SEMA5A: variants seen among roughly 807,000 people sequenced by gnomAD.
SEMA5A encodes the protein semaphorin 5A.
A neutral mutation model predicts 135.5 loss-of-function variants in SEMA5A; 55 were observed. The ratio of observed to expected loss-of-function variants is 0.41; its 90% CI spans 0.33 to 0.51. SEMA5A has a LOEUF of 0.51. Among genes scored for constraint, SEMA5A ranks in the 20% least tolerant of loss-of-function variants. The pLI, the probability that SEMA5A is intolerant of heterozygous loss-of-function variation, is 0.37. For missense variants in SEMA5A, 1,290 were observed against 1,419.9 expected (o/e 0.91, Z 1.47); for synonymous variants, 580 against 546.5 (o/e 1.06, Z -0.85).
chr5:9,412,495 T>C (rs1400733115), intron 2 of SEMA5A, among the ~76,000 whole-genome samples: 1 of 151,220 alleles, frequency 6.6e-6, no homozygotes, highest in Non-Finnish European at 1.5e-5. Flanking sequence ...CATTGCTTTT[T>C]TTTTTTTTTT....
chr5:9,436,524 T>A (rs1441571403), intron 2 of SEMA5A, among the ~76,000 whole-genome samples: 2 of 152,156 alleles, frequency 1.3e-5, no homozygotes, highest in African/African-American at 4.8e-5. Context: ...GCCTCCTTCC[T>A]CATAGACGAA....
chr5:9,520,698 GT>G (rs1477278144), intron 1 of SEMA5A, among the ~76,000 whole-genome samples: 1 of 152,170 alleles, frequency 6.6e-6, no homozygotes, highest in African/African-American at 2.4e-5. Context: ...CTTTATTTCT[GT>G]TTCCCTCCAG....
At chr5:9,271,220 T>C (rs1393812692) in intron 5 of SEMA5A, among the ~76,000 whole-genome samples, 1 of 152,160 alleles carries the variant, frequency 6.6e-6, no homozygotes, top group Non-Finnish European at 1.5e-5. Context: ...TAAAACGTGC[T>C]TGCTTACCCT....
intron 10 of SEMA5A, among the ~76,000 whole-genome samples, chr5:9,191,264 A>C (rs1460576713): frequency 6.6e-6 from 1 of 152,210 alleles, no homozygotes; most frequent in South Asian, 2.1e-4. Context: ...GGGGAAATTC[A>C]GCCCTGTACA....
chr5:9,229,779 T>C lies in SEMA5A; in HGVS notation c.334-2812A>G, dbSNP rs942431444. Among the ~76,000 whole-genome samples, 2 of 148,198 alleles carry C rather than the reference T, an allele frequency of 1.3e-5. 1 individual carries two copies. The highest frequency in any genetic ancestry group is 4.3e-4 in the South Asian group (2 of 4,642). ...GCCCCAAGGTAAACCACAAACAACA[T>C]GGGCAAGGGTAATTTGTTCCAGGAG... On this transcript the variant is annotated intron_variant, in intron 6 of 22. Coordinates refer to ENST00000382496, the MANE Select transcript of SEMA5A (RefSeq NM_003966.3).
At chr5:9,142,909 G>A (rs907531048) in intron 12 of SEMA5A, among the ~76,000 whole-genome samples, 1 of 152,320 alleles carries the variant, frequency 6.6e-6, no homozygotes, top group South Asian at 2.1e-4. Context: ...CTGAGATCGT[G>A]CCATTGCACT....
intron 4 of SEMA5A, among the ~76,000 whole-genome samples, chr5:9,331,311 C>G (rs1753119713): frequency 6.6e-6 from 1 of 151,988 alleles, no homozygotes. Flanking sequence ...TTGTTTAGAA[C>G]CAGTGTGATA....
Position 9,073,897 on chromosome 5 carries a change from C to CA in SEMA5A, c.2074-7252dup, listed in dbSNP as rs551086729. 3.9e-5 allele frequency among the ~76,000 whole-genome samples: 6 copies of CA among 152,014 alleles called. No homozygotes were observed. In the East Asian group the frequency reaches 5.8e-4, roughly 15 times the overall value. ...ACATAAAATACTTAAGATTAAATCT[C>CA]AAAAAAATATGTGCATGACTTTTAC... On this transcript the variant is annotated intron_variant, in intron 16 of 22. Transcript: ENST00000382496.
chr5:9,425,353 G>A (rs1327821619), intron 2 of SEMA5A, among the ~76,000 whole-genome samples: 1 of 152,128 alleles, frequency 6.6e-6, no homozygotes. Flanking sequence ...GCCTAAAACC[G>A]AGGCTCACAC....
chr5:9,088,657 T>C lies in SEMA5A; in HGVS notation c.2073+19483A>G, dbSNP rs201456821. On this transcript the variant is annotated intron_variant, in intron 16 of 22. Coordinates refer to ENST00000382496, the MANE Select transcript of SEMA5A (RefSeq NM_003966.3). Reference sequence around the variant, plus strand: ...TTTATAATATATATATATATATATATATACACACACACACTCATGGAATTC... The same window carrying C: ...TTTATAATATATATATATATATATACATACACACACACACTCATGGAATTC... 4.7e-4 allele frequency among the ~76,000 whole-genome samples: 41 copies of C among 88,092 alleles called. 2 individuals carry two copies. Among genetic ancestry groups the C allele is most frequent in the Non-Finnish European group, 8.8e-4 (36 of 40,774 alleles). 57.8% of individuals were successfully genotyped at this position (88,092 alleles called of 152,430 possible).
chr5:9,535,198 A>G (rs1737690628), intron 1 of SEMA5A, among the ~76,000 whole-genome samples: 1 of 84,336 alleles, frequency 1.2e-5, no homozygotes, highest in Non-Finnish European at 3.1e-5. Context: ...AAAACTGTTC[A>G]AAGTTAAGTA....
intron 8 of SEMA5A, among the ~76,000 whole-genome samples, chr5:9,223,996 T>C (rs1399431898): frequency 1.3e-5 from 2 of 152,120 alleles, no homozygotes; most frequent in Admixed American, 1.3e-4. Context: ...GAGAGGGATG[T>C]GGCTCTTCTT....
chr5:9,446,850 T>TA (rs940024484), intron 1 of SEMA5A, among the ~76,000 whole-genome samples: 6 of 152,068 alleles, frequency 3.9e-5, no homozygotes, highest in Admixed American at 3.3e-4. Context: ...TGTTAAAACA[T>TA]AAAAAAAGGG....
At chr5:9,235,987 A>G (rs113832915) in intron 6 of SEMA5A, among the ~76,000 whole-genome samples, 1 of 152,154 alleles carries the variant, frequency 6.6e-6, no homozygotes, top group Admixed American at 6.5e-5. Context: ...CACGTCTTAC[A>G]TGGCAGCAGG....
At chr5:9,408,957 G>T (rs2126596630) in intron 2 of SEMA5A, among the ~76,000 whole-genome samples, 1 of 152,188 alleles carries the variant, frequency 6.6e-6, no homozygotes, top group South Asian at 2.1e-4. Flanking sequence ...AAGAAAATTT[G>T]GGCCCATTTT....
chr5:9,206,195 C>G (rs1746005068), intron 8 of SEMA5A, among the ~76,000 whole-genome samples: 1 of 152,086 alleles, frequency 6.6e-6, no homozygotes, highest in Non-Finnish European at 1.5e-5. Context: ...AAAGAGAGAT[C>G]TGAGGTATGT....
intron 1 of SEMA5A, among the ~76,000 whole-genome samples, chr5:9,493,723 A>G (rs1323442484): frequency 1.3e-5 from 2 of 152,222 alleles, no homozygotes; most frequent in African/African-American, 4.8e-5. Flanking sequence ...CCCATGCTAT[A>G]ATGTTTGTAA....
intron 11 of SEMA5A, among the ~76,000 whole-genome samples, chr5:9,163,488 A>G (rs548858119): frequency 6.6e-6 from 1 of 152,332 alleles, no homozygotes; most frequent in Admixed American, 6.5e-5. Context: ...TTATGGTTTG[A>G]ACAAGATTCC....
chr5:9,404,638 G>C (rs1406421771), intron 2 of SEMA5A, among the ~76,000 whole-genome samples: 1 of 152,130 alleles, frequency 6.6e-6, no homozygotes, highest in Non-Finnish European at 1.5e-5. Flanking sequence ...GTGATTAGGA[G>C]GTTTATCTTA....
Sources: gnomAD v4.1 joint callset for allele counts (sites outside exome capture counted in the v4.1 genomes callset) on GRCh38, gnomAD v4.1.1 for gene constraint, MANE v1.5 for transcripts, NCBI Gene and HGNC (gene_info 2026-07-23, HGNC 2026-07-21) for gene names.